LRRTM4: variants seen among roughly 807,000 people sequenced by gnomAD.
LRRTM4 encodes leucine rich repeat transmembrane neuronal 4, also known as leucine-rich repeat transmembrane neuronal protein 4.
In LRRTM4, 25 loss-of-function variants were observed where a neutral mutation model predicts 47.6. The ratio of observed to expected loss-of-function variants is 0.53; its 90% CI spans 0.38 to 0.73. The LOEUF (loss-of-function observed/expected upper bound fraction) is 0.73, where lower values mean the gene tolerates loss of function less well. Among genes scored for constraint, LRRTM4 ranks in the 30% least tolerant of loss-of-function variants. The pLI is 0.00. For synonymous variants in LRRTM4, 311 were observed against 269.5 expected (o/e 1.15, Z -1.51); for missense variants, 638 against 713.4 (o/e 0.89, Z 1.20).
intron 3 of LRRTM4, among the ~76,000 whole-genome samples, chr2:77,222,901 T>A (rs1001419506): frequency 2.0e-5 from 3 of 151,678 alleles, no homozygotes; most frequent in Non-Finnish European, 4.4e-5. Flanking sequence ...AGAGACACAA[T>A]AAAAAACGAG....
intron 3 of LRRTM4, among the ~76,000 whole-genome samples, chr2:77,001,359 A>G (rs62171996): frequency 6.6e-6 from 1 of 152,078 alleles, no homozygotes; most frequent in East Asian, 1.9e-4. Context: ...TGAATATATT[A>G]CATGGAGATC....
intron 3 of LRRTM4, among the ~76,000 whole-genome samples, chr2:77,072,084 A>T (rs1680173052): frequency 1.3e-5 from 2 of 152,160 alleles, no homozygotes; most frequent in Non-Finnish European, 2.9e-5. Flanking sequence ...ATACATTTTT[A>T]TATATACATT....
At chr2:76,840,833 T>G (rs1223215674) in intron 3 of LRRTM4, among the ~76,000 whole-genome samples, 6 of 152,074 alleles carry the variant, frequency 3.9e-5, no homozygotes, top group East Asian at 3.9e-4. Flanking sequence ...GGTGGGACTG[T>G]AAACTAGTTC....
chr2:77,355,000 G>A (rs1400039617), intron 3 of LRRTM4, among the ~76,000 whole-genome samples: 8 of 151,942 alleles, frequency 5.3e-5, no homozygotes, highest in East Asian at 1.9e-4. Flanking sequence ...CTGCACAATC[G>A]CTCATCACTC....
At chr2:76,793,639 C>CAAAAGAGGGAACACAGGATATGGTAGATG (rs1675099270) in intron 3 of LRRTM4, among the ~76,000 whole-genome samples, 1 of 151,956 alleles carries the variant, frequency 6.6e-6, no homozygotes, top group African/African-American at 2.4e-5. Flanking sequence ...GGAAAAAGCG[C>CAAAAGAGGGAACACAGGATATGGTAGATG]AAAAGAGGGA....
At chr2:77,024,801 A>G (rs1469590600) in intron 3 of LRRTM4, among the ~76,000 whole-genome samples, 2 of 152,158 alleles carry the variant, frequency 1.3e-5, no homozygotes, top group East Asian at 3.9e-4. Flanking sequence ...TTGGAAACAC[A>G]TTTTAAACAC....
intron 3 of LRRTM4, among the ~76,000 whole-genome samples, chr2:77,467,619 T>A (rs533524714): frequency 5.9e-5 from 9 of 152,318 alleles, no homozygotes; most frequent in African/African-American, 1.9e-4. Flanking sequence ...ATAATTCATG[T>A]TAACATAAAA....
At chr2:77,021,514 C>T (rs1379644221) in intron 3 of LRRTM4, among the ~76,000 whole-genome samples, 3 of 152,250 alleles carry the variant, frequency 2.0e-5, no homozygotes, top group South Asian at 2.1e-4. Flanking sequence ...CAAGCAAAAA[C>T]GTGATAAGTG....
chr2:77,261,023 A>G lies in LRRTM4; in HGVS notation c.1551+257295T>C, dbSNP rs542465395. Among the ~76,000 whole-genome samples the G allele has an allele frequency of 3.3e-5, 5 of 152,120 alleles. No homozygotes were observed. The South Asian group carries it at 1.0e-3, about 32-fold the overall frequency. On this transcript the variant is annotated intron_variant, in intron 3 of 3. Coordinates refer to ENST00000409884, the MANE Select transcript of LRRTM4 (RefSeq NM_001134745.3). ...TAAGTCTTAGGCAGACACAAATTGG[A>G]GGAAGCATGAGTATTGTGTGTAGCC... is the stretch of plus-strand genomic sequence containing the variant.
chr2:76,773,422 T>A (rs951228249), intron 3 of LRRTM4, among the ~76,000 whole-genome samples: 10 of 152,226 alleles, frequency 6.6e-5, no homozygotes, highest in Non-Finnish European at 8.8e-5. Flanking sequence ...TTCAGTACAA[T>A]TCTTCTTTGA....
Position 76,918,032 on chromosome 2 carries a change from G to A in LRRTM4, c.1552-169116C>T, listed in dbSNP as rs539276495. ...GTCACCCTTCCCCTACTGGGGCAGG[G>A]AAAAGGGCTGAAGACACCATTTGAT... On this transcript the variant is annotated intron_variant, in intron 3 of 3. Coordinates refer to ENST00000409884, the MANE Select transcript of LRRTM4 (RefSeq NM_001134745.3). 8.5e-5 allele frequency among the ~76,000 whole-genome samples: 13 copies of A among 152,274 alleles called. 1 individual carries two copies. The East Asian group carries it at 1.7e-3, about 20-fold the overall frequency.
intron 3 of LRRTM4, among the ~76,000 whole-genome samples, chr2:76,783,923 TA>T (rs1674530297): frequency 6.6e-6 from 1 of 152,186 alleles, no homozygotes; most frequent in Non-Finnish European, 1.5e-5. Context: ...AACTGCTTGG[TA>T]ATATCCAGAT....
chr2:77,227,244 A>G (rs979339499), intron 3 of LRRTM4, among the ~76,000 whole-genome samples: 3 of 152,230 alleles, frequency 2.0e-5, no homozygotes, highest in Admixed American at 6.5e-5. Context: ...TAACACTTTT[A>G]TGAATTTCCA....
At chr2:76,944,417 A>G (rs1436995982) in intron 3 of LRRTM4, among the ~76,000 whole-genome samples, 1 of 152,188 alleles carries the variant, frequency 6.6e-6, no homozygotes, top group African/African-American at 2.4e-5. Context: ...ACTCAAAAAT[A>G]TTGAAAGCTT....
At chr2:77,229,483 G>T (rs1011606974) in intron 3 of LRRTM4, among the ~76,000 whole-genome samples, 2 of 152,032 alleles carry the variant, frequency 1.3e-5, no homozygotes, top group South Asian at 2.1e-4. Context: ...TACCTGTAAC[G>T]TTGCGTCTCA....
chr2:77,035,033 A>C, intron 3 of LRRTM4, among the ~76,000 whole-genome samples: 1 of 151,648 alleles, frequency 6.6e-6, no homozygotes, highest in Middle Eastern at 3.5e-3. Flanking sequence ...TTTAAAAAAT[A>C]ATCTTTTATT....
At chr2:76,893,833 T>G (rs1673327287) in intron 3 of LRRTM4, among the ~76,000 whole-genome samples, 1 of 151,846 alleles carries the variant, frequency 6.6e-6, no homozygotes, top group Admixed American at 6.6e-5. Context: ...CTAAATCAGA[T>G]CTGAAAAACT....
chr2:76,885,280 T>C (rs181909910), intron 3 of LRRTM4, among the ~76,000 whole-genome samples: 6 of 151,982 alleles, frequency 3.9e-5, no homozygotes, highest in Admixed American at 3.9e-4. Flanking sequence ...TTTTTTAGAG[T>C]ACCTTCTTTT....
intron 3 of LRRTM4, among the ~76,000 whole-genome samples, chr2:77,353,657 C>A (rs1335232253): frequency 6.6e-6 from 1 of 151,824 alleles, no homozygotes; most frequent in East Asian, 1.9e-4. Flanking sequence ...CCTTTTGAAG[C>A]TTTTTCATGT....
Sources: gnomAD v4.1 joint callset for allele counts (sites outside exome capture counted in the v4.1 genomes callset) on GRCh38, gnomAD v4.1.1 for gene constraint, MANE v1.5 for transcripts, NCBI Gene and HGNC (gene_info 2026-07-23, HGNC 2026-07-21) for gene names.